The following RABGAP1L variants were observed in gnomAD, a reference collection of about 807,000 sequenced individuals.
RABGAP1L encodes RAB GTPase activating protein 1 like.
RABGAP1L carries 63 observed loss-of-function variants against 137.7 expected under a neutral mutation model. That is an observed-to-expected ratio of 0.46 (90% CI 0.37 to 0.56). The LOEUF is 0.56. Ranked by LOEUF, RABGAP1L falls within the 20% of genes least tolerant of loss-of-function variation. The probability of loss-of-function intolerance (pLI) is 0.00; values close to 1 mark genes in which losing one functional copy is unlikely to be tolerated. For missense variants in RABGAP1L, 1,095 were observed against 1,244.0 expected, an observed-to-expected ratio of 0.88 and a Z score of 1.80; for synonymous variants, 431 against 433.7, an observed-to-expected ratio of 0.99 and a Z score of 0.08.
At chr1:174,790,871 A>G (rs1183800956) in intron 18 of RABGAP1L, among the ~76,000 whole-genome samples, 1 of 151,604 alleles carries the variant, frequency 6.6e-6, no homozygotes, top group Non-Finnish European at 1.5e-5. Context: ...CCTTTGTTTC[A>G]CAACATGGAC....
At chr1:174,661,634 T>C (rs1282813596) in intron 14 of RABGAP1L, among the ~76,000 whole-genome samples, 3 of 152,224 alleles carry the variant, frequency 2.0e-5, no homozygotes, top group African/African-American at 7.2e-5. Flanking sequence ...TTATGATTTT[T>C]ATAGGCTAAT....
In RABGAP1L at chr1:174,877,288, C is replaced by T; in HGVS notation, c.2340+65328C>T. 6 of 858,554 alleles carry T rather than the reference C, an allele frequency of 7.0e-6. 1 individual carries two copies. In the South Asian group the frequency reaches 9.3e-5, roughly 13 times the overall value. 53.2% of individuals were successfully genotyped at this position (858,554 alleles called of 1,614,324 possible). ...TAGATAAGAAACCTCTTTTAGTTTC[C>T]TACTGGGGGTGAATTGCTAGCCAAG... On this transcript the variant is annotated intron_variant, in intron 19 of 25. Coordinates refer to ENST00000681986, the MANE Select transcript of RABGAP1L (RefSeq NM_001366446.1).
At position 174,281,542 on chromosome 1, in the gene RABGAP1L, G is replaced by A. The variant is rs554295676; in HGVS notation, c.1323+2763G>A. 8.5e-5 allele frequency among the ~76,000 whole-genome samples: 13 copies of A among 152,224 alleles called. No homozygotes were observed. The East Asian group carries it at 1.9e-3, about 23-fold the overall frequency. ...CCGACCCAGAAGCCCAGCCGGATTCGCCTCTCACCTTGACCTGAGTCTAAG... is the reference window on the plus strand; with the variant it reads ...CCGACCCAGAAGCCCAGCCGGATTCACCTCTCACCTTGACCTGAGTCTAAG... On this transcript the variant is annotated intron_variant, in intron 10 of 25. Coordinates refer to ENST00000681986, the MANE Select transcript of RABGAP1L (RefSeq NM_001366446.1).
At chr1:174,202,337 C>T (rs906067324) in intron 1 of RABGAP1L, among the ~76,000 whole-genome samples, 1 of 151,904 alleles carries the variant, frequency 6.6e-6, no homozygotes, top group African/African-American at 2.4e-5. Flanking sequence ...TTTAATGATT[C>T]CCATTCTAAC....
chr1:174,779,366 T>C (rs1407899745), intron 18 of RABGAP1L, among the ~76,000 whole-genome samples: 2 of 152,182 alleles, frequency 1.3e-5, no homozygotes, highest in Non-Finnish European at 2.9e-5. Flanking sequence ...CAAAATGCCA[T>C]CTTGTTGTTA....
chr1:174,668,658 C>T lies in RABGAP1L; in HGVS notation c.1825-14864C>T, dbSNP rs951239820. On this transcript the variant is annotated intron_variant, in intron 14 of 25. Coordinates refer to ENST00000681986, the MANE Select transcript of RABGAP1L (RefSeq NM_001366446.1). Reference sequence around the variant, plus strand: ...GGGATTGTTGGATCATATGGTAGTTCGAATTTTAATTTTTTGAGGAACATT... The same window carrying T: ...GGGATTGTTGGATCATATGGTAGTTTGAATTTTAATTTTTTGAGGAACATT... Among the ~76,000 whole-genome samples, 7 of 151,968 alleles carry T rather than the reference C, an allele frequency of 4.6e-5. No homozygotes were observed. In the South Asian group the frequency reaches 6.2e-4, roughly 14 times the overall value.
intron 1 of RABGAP1L, among the ~76,000 whole-genome samples, chr1:174,196,426 G>A (rs148581528): frequency 0.014 from 2,069 of 151,862 alleles, 61 homozygotes; most frequent in African/African-American, 0.048. Context: ...GGGTTTCGCT[G>A]TGTTAGCCAG....
rs572686412 is a variant in RABGAP1L, at chr1:174,878,552, G to A, written c.2340+66592G>A. On this transcript the variant is annotated intron_variant, in intron 19 of 25. Transcript: ENST00000681986. ...CAAAATCAACTTTTTAACTACAATT[G>A]TAGTAACTTCTTATTATATTTAATA... is the stretch of plus-strand genomic sequence containing the variant. Among the ~76,000 whole-genome samples the A allele has an allele frequency of 2.9e-4, 44 of 152,178 alleles. 1 individual carries two copies. Among genetic ancestry groups the A allele is most frequent in the Admixed American group, 6.5e-5 (1 of 15,276 alleles).
intron 13 of RABGAP1L, among the ~76,000 whole-genome samples, chr1:174,414,014 G>C (rs1373491390): frequency 1.3e-5 from 2 of 152,062 alleles, no homozygotes; most frequent in Non-Finnish European, 2.9e-5. Context: ...TCTCTCAACT[G>C]TGAATGGCAC....
chr1:174,894,678 C>T (rs1157458273), intron 19 of RABGAP1L, among the ~76,000 whole-genome samples: 1 of 152,162 alleles, frequency 6.6e-6, no homozygotes, highest in Non-Finnish European at 1.5e-5. Flanking sequence ...TGGAGCACTA[C>T]ATTTGGTGCA....
intron 19 of RABGAP1L, among the ~76,000 whole-genome samples, chr1:174,841,850 G>T (rs539736970): frequency 6.6e-6 from 1 of 150,680 alleles, no homozygotes; most frequent in South Asian, 2.1e-4. Flanking sequence ...TATTAGCACA[G>T]AATAACTTTC....
At chr1:174,754,047 G>T (rs1461648320) in intron 18 of RABGAP1L, among the ~76,000 whole-genome samples, 1 of 152,096 alleles carries the variant, frequency 6.6e-6, no homozygotes, top group African/African-American at 2.4e-5. Context: ...ATGTTGACTT[G>T]TTCATATTAT....
intron 13 of RABGAP1L, among the ~76,000 whole-genome samples, chr1:174,607,969 A>C (rs1016916142): frequency 6.6e-6 from 1 of 152,186 alleles, no homozygotes; most frequent in African/African-American, 2.4e-5. Context: ...CAATGAGATA[A>C]TTTGTTTCAT....
chr1:174,252,069 A>G (rs1672758298), intron 6 of RABGAP1L, among the ~76,000 whole-genome samples: 1 of 151,888 alleles, frequency 6.6e-6, no homozygotes, highest in Non-Finnish European at 1.5e-5. Context: ...TAATTTTTGT[A>G]TTTTTAGTAG....
chr1:174,558,220 A>T (rs949180935), intron 13 of RABGAP1L, among the ~76,000 whole-genome samples: 1 of 152,156 alleles, frequency 6.6e-6, no homozygotes, highest in Non-Finnish European at 1.5e-5. Flanking sequence ...CCCACAGTTC[A>T]GTTGTATTGA....
chr1:174,746,549 C>T (rs1683879666), intron 17 of RABGAP1L, among the ~76,000 whole-genome samples: 1 of 152,158 alleles, frequency 6.6e-6, no homozygotes, highest in South Asian at 2.1e-4. Context: ...TCTTTTTACT[C>T]TCTGCTCTCA....
At chr1:174,374,513 A>G (rs951028473) in intron 12 of RABGAP1L, among the ~76,000 whole-genome samples, 1 of 137,470 alleles carries the variant, frequency 7.3e-6, no homozygotes, top group Non-Finnish European at 1.5e-5. Context: ...TCAGCAAAAC[A>G]GCTCCTAGAT....
chr1:174,662,792 T>C (rs893028937), intron 14 of RABGAP1L, among the ~76,000 whole-genome samples: 1 of 152,200 alleles, frequency 6.6e-6, no homozygotes, highest in African/African-American at 2.4e-5. Context: ...GATGGTGATA[T>C]TGATGATTCC....
Position 174,370,333 on chromosome 1 carries a change from C to T in RABGAP1L, c.1466-646C>T, listed in dbSNP as rs1034907800. On this transcript the variant is annotated intron_variant, in intron 11 of 25. Coordinates refer to ENST00000681986, the MANE Select transcript of RABGAP1L (RefSeq NM_001366446.1). ...AAGGTTTATAGAGTTTAGTATTGGTCGTTTTCACCACCGATTATAAACTGT... is the reference window on the plus strand; with the variant it reads ...AAGGTTTATAGAGTTTAGTATTGGTTGTTTTCACCACCGATTATAAACTGT... Among the ~76,000 whole-genome samples, 58 of 151,928 alleles carry T rather than the reference C, an allele frequency of 3.8e-4. 1 individual carries two copies. Among genetic ancestry groups the T allele is most frequent in the Admixed American group, 1.8e-3 (27 of 15,242 alleles).
Sources: allele counts gnomAD v4.1 joint callset (sites outside exome capture counted in the v4.1 genomes callset), GRCh38; gene constraint gnomAD v4.1.1; transcripts MANE v1.5; gene names NCBI Gene and HGNC (gene_info 2026-07-23, HGNC 2026-07-21).